The following LCP2 variants were observed in gnomAD, a reference collection of about 807,000 sequenced individuals.
LCP2 encodes 76 kDa tyrosine phosphoprotein.
LCP2 carries 29 observed loss-of-function variants against 74.5 expected under a neutral mutation model. That is an observed-to-expected ratio of 0.39 (90% confidence interval 0.29 to 0.53). The LOEUF (loss-of-function observed/expected upper bound fraction) is 0.53, where lower values mean the gene tolerates loss of function less well. LCP2 is among the 20% of genes least tolerant of loss of function. LCP2 has a pLI of 0.72. For synonymous variants in LCP2, 228 were observed against 229.5 expected (o/e 0.99, Z 0.06); for missense variants, 604 against 634.6 (o/e 0.95, Z 0.52).
chr5:170,297,002 C>CCCACCCTG (rs1762401062), intron 1 of LCP2, among the ~76,000 whole-genome samples: 1 of 152,252 alleles, frequency 6.6e-6, no homozygotes, highest in African/African-American at 2.4e-5. Context: ...ATCCAGCCCT[C>CCCACCCTG]CCACCCTGCC....
At chr5:170,288,267 C>T (rs1045203970) in intron 2 of LCP2, among the ~76,000 whole-genome samples, 3 of 150,908 alleles carry the variant, frequency 2.0e-5, no homozygotes, top group Non-Finnish European at 2.9e-5. Flanking sequence ...ATGTGAAATG[C>T]TCTGAGTTCC....
chr5:170,250,196 C>T (rs540655435), intron 20 of LCP2, among the ~76,000 whole-genome samples: 1 of 152,314 alleles, frequency 6.6e-6, no homozygotes, highest in East Asian at 1.9e-4. Context: ...TTCTTTCCAT[C>T]CGTTCTGATT....
intron 20 of LCP2, 30 bp from the exon 21 acceptor site, chr5:170,248,849 A>C (rs574604145): frequency 6.2e-7 from 1 of 1,607,676 alleles, no homozygotes; most frequent in African/African-American, 1.3e-5. Flanking sequence ...GAGATGAGTC[A>C]ACATTGGAAT....
intron 13 of LCP2, among the ~76,000 whole-genome samples, chr5:170,262,393 C>T (rs1761669914): frequency 6.6e-6 from 1 of 152,204 alleles, no homozygotes; most frequent in African/African-American, 2.4e-5. Context: ...AAACAGCAGT[C>T]ACCCCTTACT....
intron 20 of LCP2, among the ~76,000 whole-genome samples, chr5:170,250,340 C>T (rs1761407191): frequency 1.3e-5 from 2 of 152,236 alleles, no homozygotes; most frequent in African/African-American, 4.8e-5. Context: ...ATAATCACCC[C>T]AGCAAATATT....
In LCP2 at chr5:170,262,761, G is replaced by T; in HGVS notation, c.819-19C>A. The stretch of plus-strand genomic sequence containing the variant: ...GAGTGACCTGTGGAGTTCAGGAAAA[G>T]GATGTGTAAGAAACAAACTTTGCCG... On this transcript the variant is annotated intron_variant, in intron 12 of 20. Transcript: ENST00000046794. 1 of 1,613,352 alleles carries T rather than the reference G, an allele frequency of 6.2e-7. No individual in the cohort carries two copies. The highest frequency in any genetic ancestry group is 8.5e-7 in the Non-Finnish European group (1 of 1,179,304).
At chr5:170,263,093 G>A in intron 10 of LCP2, 101 bp from the exon 11 acceptor site, 2 of 1,341,950 alleles carry the variant, frequency 1.5e-6, no homozygotes, top group Non-Finnish European at 2.1e-6. Context: ...ACCCTCTTGG[G>A]GGTTGATGGG....
intron 3 of LCP2, among the ~76,000 whole-genome samples, chr5:170,276,250 T>A (rs956880220): frequency 6.6e-6 from 1 of 152,128 alleles, no homozygotes; most frequent in Non-Finnish European, 1.5e-5. Context: ...GGGGCTGAGG[T>A]CCCCTGGCTT....
Position 170,246,272 on chromosome 5 carries a change from C to T in LCP2, c.*2425G>A, listed in dbSNP as rs1038770836. On this transcript the variant is annotated 3_prime_UTR_variant, in exon 21 of 21. Coordinates refer to ENST00000046794, the MANE Select transcript of LCP2 (RefSeq NM_005565.5). ...GGCTGTTTAATGTTTTGAAGAATGG[C>T]TTAACTTACGTCACTAATGGCAAGT... The T allele has an allele frequency of 1.7e-6, 1 of 605,708 alleles. No individual in the cohort carries two copies. Among genetic ancestry groups the T allele is most frequent in the Non-Finnish European group, 2.7e-6 (1 of 372,810 alleles). 37.5% of individuals were successfully genotyped at this position (605,708 alleles called of 1,614,324 possible). A position where few individuals can be genotyped will look rare whatever the true frequency, so the allele number is the denominator to read the frequency against.
chr5:170,267,144 G>T, intron 8 of LCP2, 69 bp from the exon 9 acceptor site: 1 of 1,452,728 alleles, frequency 6.9e-7, no homozygotes, highest in Non-Finnish European at 9.7e-7. Context: ...CCCAAAACCT[G>T]TCTGGATCTG....
intron 4 of LCP2, chr5:170,275,553 G>A: frequency 1.5e-6 from 1 of 656,046 alleles, no homozygotes; most frequent in African/African-American, 1.8e-5. Flanking sequence ...TCAGTGGCAT[G>A]ACTGGAAGCT....
At chr5:170,257,981 T>C in intron 16 of LCP2, 56 bp downstream of exon 16, 1 of 1,574,394 alleles carries the variant, frequency 6.4e-7, no homozygotes, top group Non-Finnish European at 8.7e-7. Flanking sequence ...ATTACTTCAG[T>C]ACTGGATGGA....
At chr5:170,264,713 T>C (rs1171958402) in intron 10 of LCP2, among the ~76,000 whole-genome samples, 1 of 152,084 alleles carries the variant, frequency 6.6e-6, no homozygotes, top group Non-Finnish European at 1.5e-5. Context: ...GAAGAAGGAT[T>C]GCTTGACCCG....
chr5:170,291,766 C>T (rs985587055), intron 2 of LCP2, among the ~76,000 whole-genome samples: 6 of 152,190 alleles, frequency 3.9e-5, no homozygotes, highest in Non-Finnish European at 7.4e-5. Flanking sequence ...AACAGGGCGT[C>T]GTAGGCACCA....
At chr5:170,250,462 T>C (rs1477990509) in intron 20 of LCP2, among the ~76,000 whole-genome samples, 4 of 152,218 alleles carry the variant, frequency 2.6e-5, no homozygotes, top group Non-Finnish European at 5.9e-5. Context: ...TCTAAATAGA[T>C]TTTTTTAAGT....
In LCP2 at chr5:170,287,992, T is replaced by G; in HGVS notation, c.166A>C (p.Lys56Gln). 1.2e-6 allele frequency: 2 copies of G among 1,613,930 alleles called. No individual in the cohort carries two copies. The highest frequency in any genetic ancestry group is 1.7e-6 in the Non-Finnish European group (2 of 1,179,878). The part of the protein sequence containing the change: ...FLNLTENDIQ[K>Q]FPKLRVPILS... Reference sequence around the variant, plus strand: ...TACGGCACCCGGAGCTTGGGGAACTTCTGGATGTCATTTTCTGTCAGGTTC... The same window carrying G: ...TACGGCACCCGGAGCTTGGGGAACTGCTGGATGTCATTTTCTGTCAGGTTC... The change falls in exon 3 of 21, where the codon AAG (lysine) becomes CAG (glutamine). Residue 56 changes from lysine to glutamine, a missense_variant. Coordinates refer to ENST00000046794, the MANE Select transcript of LCP2 (RefSeq NM_005565.5).
chr5:170,258,973 G>T, intron 14 of LCP2, 95 bp from the exon 15 acceptor site: 3 of 804,224 alleles, frequency 3.7e-6, no homozygotes, highest in South Asian at 3.1e-5. Flanking sequence ...AATCAAATAG[G>T]TATCTGTTTC....
At chr5:170,284,818 T>C (rs572122070) in intron 3 of LCP2, among the ~76,000 whole-genome samples, 2 of 151,424 alleles carry the variant, frequency 1.3e-5, no homozygotes, top group Admixed American at 6.6e-5. Flanking sequence ...TGGTGCCATC[T>C]CAGCTCACTG....
chr5:170,268,877 A>T (rs940486457), intron 7 of LCP2, among the ~76,000 whole-genome samples: 1 of 152,386 alleles, frequency 6.6e-6, no homozygotes, highest in Middle Eastern at 3.4e-3. Context: ...ATGTGCACAC[A>T]TGCATGCACA....
Sources: gnomAD v4.1 joint callset for allele counts (sites outside exome capture counted in the v4.1 genomes callset) on GRCh38, gnomAD v4.1.1 for gene constraint, MANE v1.5 for transcripts, NCBI Gene and HGNC (gene_info 2026-07-23, HGNC 2026-07-21) for gene names.